AMPD1: variants seen among roughly 807,000 people sequenced by gnomAD.
The protein encoded by AMPD1 is adenosine monophosphate deaminase 1, also known as AMP deaminase 1.
A neutral mutation model predicts 82.9 loss-of-function variants in AMPD1; 74 were observed. The ratio of observed to expected loss-of-function variants is 0.89; its 90% CI spans 0.74 to 1.08. AMPD1 has a LOEUF of 1.08. Ranked by LOEUF, AMPD1 falls within the 50% of genes least tolerant of loss-of-function variation. AMPD1 has a pLI of 0.00. For missense variants in AMPD1, 881 were observed against 924.5 expected, an observed-to-expected ratio of 0.95 and a Z score of 0.61; for synonymous variants, 333 against 320.5, an observed-to-expected ratio of 1.04 and a Z score of -0.42.
At position 114,679,684 on chromosome 1, in the gene AMPD1, C is replaced by A; in HGVS notation, c.792G>T (p.Leu264=). ...GPVKTYTHRR[L]KFLSSKFQVH... is the part of the protein sequence containing the mutation. ...CCTGGAACTTGGAGGAGAGGAACTTCAGGCGCCGGTGGGTATAGGTCTTAC... is the reference window on the plus strand; with the variant it reads ...CCTGGAACTTGGAGGAGAGGAACTTAAGGCGCCGGTGGGTATAGGTCTTAC... Residue 264 remains leucine (L), a synonymous_variant, in exon 7 of 16, where the codon CTG becomes CTT. Coordinates refer to ENST00000520113, the MANE Select transcript of AMPD1 (RefSeq NM_000036.3). 1 of 1,614,078 alleles carries A rather than the reference C, an allele frequency of 6.2e-7. No homozygotes were observed. The highest frequency in any genetic ancestry group is 8.5e-7 in the Non-Finnish European group (1 of 1,180,012).
intron 12 of AMPD1, 130 bp downstream of exon 12, chr1:114,675,400 G>A: frequency 9.8e-6 from 10 of 1,021,098 alleles, no homozygotes; most frequent in Non-Finnish European, 1.5e-5. Context: ...TTAAGAGAAA[G>A]AAATTTCTGA....
intron 7 of AMPD1, among the ~76,000 whole-genome samples, chr1:114,678,763 T>C (rs1658073086): frequency 6.6e-6 from 1 of 152,192 alleles, no homozygotes; most frequent in African/African-American, 2.4e-5. Context: ...TTCTTCTGTA[T>C]ATCTGTACAT....
intron 7 of AMPD1, 142 bp downstream of exon 7, chr1:114,679,437 A>G (rs984064630): frequency 2.5e-6 from 3 of 1,217,420 alleles, no homozygotes; most frequent in Non-Finnish European, 2.4e-6. Flanking sequence ...ATTGGACATA[A>G]TCTATTATCT....
In AMPD1 at chr1:114,675,979, G is replaced by T. The variant is rs1657970417; in HGVS notation, c.1413C>A (p.Phe471Leu). 1.2e-6 allele frequency: 2 copies of T among 1,613,932 alleles called. No homozygotes were observed. Among genetic ancestry groups the T allele is most frequent in the South Asian group, 2.2e-5 (2 of 91,078 alleles). The change falls in exon 11 of 16, where the codon TTC (phenylalanine) becomes TTA (leucine). Residue 471 changes from phenylalanine (F) to leucine (L), a missense_variant. Around this residue, in one of 2 missense-constraint regions of AMPD1, gnomAD observed 783 missense variants for 786.4 expected, o/e 1.00. Transcript: ENST00000520113. ...RIYDVFRSKN[F>L]LPHFGKMLEN... ...CCAGCATTTTTCCAAAATGTGGAAG[G>T]AAATTCTTGGAACGGAACACATCAC...
At chr1:114,674,174 G>C in intron 13 of AMPD1, 92 bp from the exon 14 acceptor site, 1 of 1,207,820 alleles carries the variant, frequency 8.3e-7, no homozygotes, top group Non-Finnish European at 1.2e-6. Context: ...TTAAGCTTCA[G>C]CTTTCAACAA....
At chr1:114,686,544 G>C (rs1658321977) in intron 4 of AMPD1, among the ~76,000 whole-genome samples, 1 of 152,122 alleles carries the variant, frequency 6.6e-6, no homozygotes, top group African/African-American at 2.4e-5. Context: ...ATGAGATAGA[G>C]GATAAATTAT....
chr1:114,695,436 CT>C lies in AMPD1; in HGVS notation c.22+13del. The C allele has an allele frequency of 6.2e-7, 1 of 1,612,240 alleles. No individual in the cohort carries two copies. The highest frequency in any genetic ancestry group is 8.5e-7 in the Non-Finnish European group (1 of 1,179,548). On this transcript the variant is annotated intron_variant, in intron 1 of 15. Transcript: ENST00000520113. ...CAACAACAACTGAGCTCTCCAAACA[CT>C]TTGTACACCTACCTGGGAGTTTGAA... is the stretch of plus-strand genomic sequence containing the variant.
intron 2 of AMPD1, among the ~76,000 whole-genome samples, chr1:114,690,104 C>T (rs1446601347): frequency 6.6e-6 from 1 of 152,172 alleles, no homozygotes; most frequent in African/African-American, 2.4e-5. Context: ...AATGTCTATA[C>T]AGACCTGCAA....
chr1:114,676,360 A>T (rs1016958942), intron 10 of AMPD1: 1 of 299,954 alleles, frequency 3.3e-6, no homozygotes, highest in South Asian at 3.3e-5. Flanking sequence ...AATGATTACC[A>T]AGAATACCTC....
intron 1 of AMPD1, 65 bp downstream of exon 1, chr1:114,695,385 A>T (rs1658644224): frequency 4.5e-6 from 7 of 1,542,656 alleles, no homozygotes; most frequent in Non-Finnish European, 6.1e-6. Flanking sequence ...CTAAAGGAAC[A>T]GTTGCTTGTC....
intron 12 of AMPD1, 99 bp from the exon 13 acceptor site, chr1:114,674,971 C>T: frequency 4.7e-6 from 7 of 1,487,418 alleles, no homozygotes; most frequent in South Asian, 1.2e-5. Context: ...AGGAAGTAAG[C>T]CATCCAAAGG....
In AMPD1 at chr1:114,688,517, T is replaced by TCC. The variant is rs774466893; in HGVS notation, c.215+42_215+43dup. ...CCATATCTTCCCTGGCAGATACCCCTCCTTAGGTGCCAATATACTAAGCAC... is the reference window on the plus strand; with the variant it reads ...CCATATCTTCCCTGGCAGATACCCCTCCCCTTAGGTGCCAATATACTAAGCAC... On this transcript the variant is annotated intron_variant, in intron 3 of 15. Coordinates refer to ENST00000520113, the MANE Select transcript of AMPD1 (RefSeq NM_000036.3). 4 of 1,601,866 alleles carry TCC rather than the reference T, an allele frequency of 2.5e-6. No homozygotes were observed. The South Asian group carries it at 4.4e-5, about 18-fold the overall frequency.
chr1:114,687,988 T>C (rs547014038), intron 3 of AMPD1, among the ~76,000 whole-genome samples: 1 of 152,132 alleles, frequency 6.6e-6, no homozygotes, highest in African/African-American at 2.4e-5. Flanking sequence ...TTCTATGGTA[T>C]CTCGAAGTCC....
chr1:114,682,639 C>T (rs895086861), intron 5 of AMPD1, among the ~76,000 whole-genome samples: 18 of 149,800 alleles, frequency 1.2e-4, no homozygotes, highest in Non-Finnish European at 2.2e-4. Context: ...AGTGCAGTGG[C>T]GCGATCTCAG....
At position 114,688,583 on chromosome 1, in the gene AMPD1, A is replaced by T. The variant is rs371228362; in HGVS notation, c.193T>A (p.Ser65Thr). The stretch of plus-strand genomic sequence containing the variant: ...TACCTCCTGGCTTCTGTGGAGGTGG[A>T]CAGAGTCTCCAGATGGAATATGTGT... ...QAHIFHLETLSTSTEARRKKR... is the reference protein window; with the variant it reads ...QAHIFHLETLTTSTEARRKKR... Residue 65 changes from serine to threonine, a missense_variant, in exon 3 of 16, where the codon TCC becomes ACC. Transcript: ENST00000520113. 1.2e-5 allele frequency: 19 copies of T among 1,614,036 alleles called. No homozygotes were observed. The highest frequency in any genetic ancestry group is 1.7e-6 in the Non-Finnish European group (2 of 1,180,024).
At chr1:114,691,166 T>C (rs1219366841) in intron 2 of AMPD1, among the ~76,000 whole-genome samples, 1 of 152,226 alleles carries the variant, frequency 6.6e-6, no homozygotes, top group Non-Finnish European at 1.5e-5. Flanking sequence ...ATATGGTTGA[T>C]ATTTCCTTCC....
Position 114,678,443 on chromosome 1 carries a change from C to T in AMPD1, c.982G>A (p.Asp328Asn). ...TCTTTGGTGCTATAGACCACTCTGTCAGCATCAATTTGGTAAGATTTCTTA... is the reference window on the plus strand; with the variant it reads ...TCTTTGGTGCTATAGACCACTCTGTTAGCATCAATTTGGTAAGATTTCTTA... ...FIKKSYQIDA[D>N]RVVYSTKEKN... The change falls in exon 8 of 16, where the codon GAC becomes AAC. Residue 328 changes from aspartate to asparagine, a missense_variant. Asp to Asn is a conservative substitution (Grantham distance 23). Around this residue, in one of 2 missense-constraint regions of AMPD1, gnomAD observed 783 missense variants for 786.4 expected, o/e 1.00. Coordinates refer to ENST00000520113, the MANE Select transcript of AMPD1 (RefSeq NM_000036.3). 1 of 1,614,124 alleles carries T rather than the reference C, an allele frequency of 6.2e-7. No individual in the cohort carries two copies. Among genetic ancestry groups the T allele is most frequent in the South Asian group, 1.1e-5 (1 of 91,088 alleles).
In AMPD1 at chr1:114,673,283, A is replaced by G. The variant is rs571218978; in HGVS notation, c.2086-11T>C. The stretch of plus-strand genomic sequence containing the variant: ...AAACTTTACTTTCTCCTATAAGAGA[A>G]AAGGATGGCAGAATGATTGTTGTCT... On this transcript the variant is annotated splice_polypyrimidine_tract_variant and intron_variant, in intron 15 of 15. Transcript: ENST00000520113. 7 of 1,613,860 alleles carry G rather than the reference A, an allele frequency of 4.3e-6. No homozygotes were observed. In the Admixed American group the frequency reaches 5.0e-5, roughly 12 times the overall value.
At position 114,675,966 on chromosome 1, in the gene AMPD1, CA is replaced by C. The variant is rs746606994; in HGVS notation, c.1425del (p.Phe475LeufsTer84). 3 of 1,613,922 alleles carry C rather than the reference CA, an allele frequency of 1.9e-6. No individual in the cohort carries two copies. In the South Asian group the frequency reaches 3.3e-5, roughly 18 times the overall value. ...ATGAAAATATTCTCCAGCATTTTTC[CA>C]AAATGTGGAAGGAAATTCTTGGAAC... is the stretch of plus-strand genomic sequence containing the variant. ...VFRSKNFLPH[F>X]GKMLENIFMP... On this transcript the variant is annotated frameshift_variant, in exon 11 of 16. Coordinates refer to ENST00000520113, the MANE Select transcript of AMPD1 (RefSeq NM_000036.3). LOFTEE classifies it high-confidence loss of function.
Sources: allele counts gnomAD v4.1 joint callset (sites outside exome capture counted in the v4.1 genomes callset), GRCh38; gene constraint gnomAD v4.1.1; regional missense constraint gnomAD v4.1.1; transcripts MANE v1.5; gene names NCBI Gene and HGNC (gene_info 2026-07-23, HGNC 2026-07-21).